SHC4: variants seen among roughly 807,000 people sequenced by gnomAD.
The protein encoded by SHC4 is SHC-transforming protein 4.
In SHC4, 41 loss-of-function variants were observed where a neutral mutation model predicts 69.4. The observed-to-expected ratio is 0.59, with a 90% CI of 0.46 to 0.77. The LOEUF (loss-of-function observed/expected upper bound fraction) is 0.77. Among genes scored for constraint, SHC4 ranks in the 30% least tolerant of loss-of-function variants. The pLI is 0.00. For synonymous variants in SHC4, 318 were observed against 299.3 expected (o/e 1.06, Z -0.64); for missense variants, 777 against 783.8 (o/e 0.99, Z 0.10).
intron 1 of SHC4, among the ~76,000 whole-genome samples, chr15:48,954,859 A>G (rs758688857): frequency 1.3e-5 from 2 of 152,192 alleles, no homozygotes; most frequent in Non-Finnish European, 2.9e-5. Flanking sequence ...AGCCTTGTAC[A>G]TACAGTTTGT....
At chr15:48,832,215 T>C (rs1203328068) in intron 11 of SHC4, among the ~76,000 whole-genome samples, 1 of 152,134 alleles carries the variant, frequency 6.6e-6, no homozygotes, top group African/African-American at 2.4e-5. Context: ...GAGGTTGCAG[T>C]GAACCGAGAT....
chr15:48,940,451 T>A (rs1476721006), intron 1 of SHC4, among the ~76,000 whole-genome samples: 1 of 152,206 alleles, frequency 6.6e-6, no homozygotes, highest in African/African-American at 2.4e-5. Flanking sequence ...AAATATTTAC[T>A]GGAGGAACTC....
chr15:48,901,786 A>T (rs1010893116), intron 2 of SHC4, among the ~76,000 whole-genome samples: 1 of 152,218 alleles, frequency 6.6e-6, no homozygotes, highest in East Asian at 1.9e-4. Context: ...AAGTTTTTAA[A>T]GCTCTCTATG....
At chr15:48,853,218 T>C (rs997904343) in intron 8 of SHC4, among the ~76,000 whole-genome samples, 4 of 151,958 alleles carry the variant, frequency 2.6e-5, no homozygotes, top group African/African-American at 9.7e-5. Flanking sequence ...AGAACACAAT[T>C]TCACTTACAA....
chr15:48,928,664 G>A (rs1900899768), intron 1 of SHC4, among the ~76,000 whole-genome samples: 2 of 152,120 alleles, frequency 1.3e-5, no homozygotes, highest in South Asian at 4.1e-4. Context: ...CACACTTCAT[G>A]GTTATAACCA....
At chr15:48,854,990 T>C (rs1255883260) in intron 8 of SHC4, among the ~76,000 whole-genome samples, 1 of 152,156 alleles carries the variant, frequency 6.6e-6, no homozygotes, top group Admixed American at 6.5e-5. Context: ...AGTACACATG[T>C]ACACAAAGAA....
At chr15:48,957,507 A>G (rs1439512635) in intron 1 of SHC4, among the ~76,000 whole-genome samples, 1 of 152,246 alleles carries the variant, frequency 6.6e-6, no homozygotes, top group East Asian at 1.9e-4. Flanking sequence ...GTCAGTGATA[A>G]GATACCTTAG....
At chr15:48,870,543 G>C (rs1899649612) in intron 5 of SHC4, among the ~76,000 whole-genome samples, 1 of 152,172 alleles carries the variant, frequency 6.6e-6, no homozygotes, top group Admixed American at 6.5e-5. Flanking sequence ...AAAGCTTAAA[G>C]GGGAAACTGG....
intron 2 of SHC4, among the ~76,000 whole-genome samples, chr15:48,913,807 C>T (rs1202990224): frequency 6.6e-6 from 1 of 152,186 alleles, no homozygotes; most frequent in Non-Finnish European, 1.5e-5. Context: ...GGATTTCGTT[C>T]AGCTCTCCAA....
chr15:48,905,513 G>C (rs1019143299), intron 2 of SHC4, among the ~76,000 whole-genome samples: 1 of 152,192 alleles, frequency 6.6e-6, no homozygotes, highest in Admixed American at 6.5e-5. Flanking sequence ...CTAGAGGCTG[G>C]CCACTGTATC....
At chr15:48,827,162 A>G (rs1275161231) in intron 11 of SHC4, among the ~76,000 whole-genome samples, 1 of 152,132 alleles carries the variant, frequency 6.6e-6, no homozygotes, top group East Asian at 1.9e-4. Context: ...GCACCTCGTT[A>G]TGTATTTCTG....
intron 1 of SHC4, among the ~76,000 whole-genome samples, chr15:48,961,483 C>A (rs1901545957): frequency 1.3e-5 from 2 of 152,168 alleles, no homozygotes; most frequent in African/African-American, 4.8e-5. Context: ...TGCTCCCCTG[C>A]AGCCACCACA....
intron 4 of SHC4, among the ~76,000 whole-genome samples, chr15:48,883,787 A>G (rs913194685): frequency 6.6e-6 from 1 of 152,170 alleles, no homozygotes; most frequent in African/African-American, 2.4e-5. Flanking sequence ...TCTCAACCAC[A>G]AGAATTGGAA....
At chr15:48,877,941 C>T in intron 4 of SHC4, 1 of 479,984 alleles carries the variant, frequency 2.1e-6, no homozygotes. Context: ...TGCAGGGTCC[C>T]TAGATACGAA....
chr15:48,938,837 G>T (rs1901122153), intron 1 of SHC4, among the ~76,000 whole-genome samples: 1 of 152,204 alleles, frequency 6.6e-6, no homozygotes, highest in Non-Finnish European at 1.5e-5. Flanking sequence ...TGAGAGGGGA[G>T]AAGGAATATG....
At chr15:48,894,356 T>C (rs1441812100) in intron 2 of SHC4, among the ~76,000 whole-genome samples, 1 of 152,224 alleles carries the variant, frequency 6.6e-6, no homozygotes, top group African/African-American at 2.4e-5. Context: ...ACTTTCATTG[T>C]GCACTTGATC....
At chr15:48,834,625 A>C in intron 11 of SHC4, 144 bp downstream of exon 11, 1 of 1,201,236 alleles carries the variant, frequency 8.3e-7, no homozygotes, top group Non-Finnish European at 1.2e-6. Context: ...CCCTCTAGTT[A>C]GCATGTCCTG....
At position 48,950,688 on chromosome 15, in the gene SHC4, C is replaced by T. The variant is rs549011805; in HGVS notation, c.585+11743G>A. ...GACAGTTTGTGATAAGAGGAGGCTG[C>T]GTGCAGCAAGACAGAGTGAGTGGTC... On this transcript the variant is annotated intron_variant, in intron 1 of 11. Coordinates refer to ENST00000332408, the MANE Select transcript of SHC4 (RefSeq NM_203349.4). Among the ~76,000 whole-genome samples the T allele has an allele frequency of 5.3e-5, 8 of 152,200 alleles. 1 individual carries two copies. Among genetic ancestry groups the T allele is most frequent in the Admixed American group, 4.6e-4 (7 of 15,268 alleles).
chr15:48,957,337 T>C (rs1352652261), intron 1 of SHC4, among the ~76,000 whole-genome samples: 3 of 152,100 alleles, frequency 2.0e-5, no homozygotes, highest in Non-Finnish European at 4.4e-5. Flanking sequence ...CCACCCAAGA[T>C]CACACAGCTT....
Sources: gnomAD v4.1 joint callset for allele counts (sites outside exome capture counted in the v4.1 genomes callset) on GRCh38, gnomAD v4.1.1 for gene constraint, MANE v1.5 for transcripts, NCBI Gene and HGNC (gene_info 2026-07-23, HGNC 2026-07-21) for gene names.